FRMPD3: variants seen among roughly 807,000 people sequenced by gnomAD.
The protein encoded by FRMPD3 is FERM and PDZ domain containing 3, also known as FERM and PDZ domain-containing protein 3.
Under a neutral mutation model 97.9 loss-of-function variants are expected in FRMPD3, and 42 were observed. The ratio of observed to expected loss-of-function variants is 0.43; its 90% CI spans 0.34 to 0.55. FRMPD3 has a LOEUF of 0.55. Among genes scored for constraint, FRMPD3 ranks in the 20% least tolerant of loss-of-function variants. The pLI, the probability that FRMPD3 is intolerant of heterozygous loss-of-function variation, is 0.03. For synonymous variants in FRMPD3, 577 were observed against 581.1 expected, an observed-to-expected ratio of 0.99 and a Z score of 0.10; for missense variants, 1,303 against 1,457.7, an observed-to-expected ratio of 0.89 and a Z score of 1.73.
At chrX:107,568,583 A>AG (rs1451919649) in intron 12 of FRMPD3, among the ~76,000 whole-genome samples, 1 of 105,110 alleles carries the variant, frequency 9.5e-6, no homozygotes, top group Non-Finnish European at 1.9e-5. Context: ...AAAAAAAAAA[A>AG]ATCAGCTGGG....
At chrX:107,527,237 T>C (rs965101735) in intron 2 of FRMPD3, among the ~76,000 whole-genome samples, 1 of 111,747 alleles carries the variant, frequency 8.9e-6, no homozygotes, top group African/African-American at 3.3e-5. Context: ...ACAGGTGGGA[T>C]AGGAGAGGAG....
chrX:107,556,226 G>A (rs5962845), intron 8 of FRMPD3, among the ~76,000 whole-genome samples: 19,731 of 110,617 alleles, frequency 0.18, 3,861 homozygotes, highest in African/African-American at 0.58. Context: ...ACGTTTCCCA[G>A]ACAGCCTCAG....
chrX:107,555,468 C>T (rs1360981663), intron 8 of FRMPD3, among the ~76,000 whole-genome samples: 2 of 112,007 alleles, frequency 1.8e-5, no homozygotes, highest in Non-Finnish European at 3.8e-5. Context: ...TTCTTAGGCC[C>T]CAGCCCAGTC....
chrX:107,538,388 T>C (rs1019809650), intron 4 of FRMPD3, among the ~76,000 whole-genome samples: 2 of 109,601 alleles, frequency 1.8e-5, no homozygotes, highest in African/African-American at 6.7e-5. Flanking sequence ...CAGAAAATAC[T>C]ACTGTGTTCA....
intron 1 of FRMPD3, among the ~76,000 whole-genome samples, chrX:107,487,849 A>G (rs760518516): frequency 8.9e-6 from 1 of 112,097 alleles, no homozygotes; most frequent in Non-Finnish European, 1.9e-5. Context: ...TCTCTTCCTT[A>G]ATCTCACCCG....
chrX:107,475,765 C>T (rs1921182578), intron 1 of FRMPD3, among the ~76,000 whole-genome samples: 1 of 112,465 alleles, frequency 8.9e-6, no homozygotes, highest in Non-Finnish European at 1.9e-5. Flanking sequence ...TTCTAGGAGT[C>T]AGAGGATGTG....
chrX:107,529,234 C>A (rs1334021812), intron 2 of FRMPD3, among the ~76,000 whole-genome samples: 2 of 111,753 alleles, frequency 1.8e-5, no homozygotes, highest in Non-Finnish European at 3.8e-5. Context: ...TCACCCTTTG[C>A]CCCAACCAAG....
chrX:107,464,661 T>G (rs1931528352), intron 1 of FRMPD3, among the ~76,000 whole-genome samples: 2 of 111,719 alleles, frequency 1.8e-5, no homozygotes, highest in Non-Finnish European at 3.8e-5. Context: ...TTTTATTAGC[T>G]GCCTGATGTT....
chrX:107,601,143 G>A lies in FRMPD3; in HGVS notation c.3104G>A (p.Arg1035Lys), dbSNP rs779208422. The A allele has an allele frequency of 8.3e-7, 1 of 1,209,081 alleles. No homozygotes were observed. Among genetic ancestry groups the A allele is most frequent in the East Asian group, 3.0e-5 (1 of 33,732 alleles). ...GGTGCAGAGGTCTCTTCCAGCCCCA[G>A]AGCACCCACAGGCAGCCGGGCTGAC... ...QLGAEVSSSP[R>K]APTGSRADSL... is the part of the protein sequence containing the mutation. Residue 1035 changes from arginine (R) to lysine (K), a missense_variant, in exon 15 of 15, where the codon AGA (arginine) becomes AAA (lysine). Physicochemically the swap from Arg to Lys is conservative, Grantham distance 26. This residue lies in a region of FRMPD3 where 764 missense variants were observed against 820.2 expected (regional missense o/e 0.93). Transcript: ENST00000683843.
At chrX:107,547,602 A>G (rs903529150) in intron 5 of FRMPD3, among the ~76,000 whole-genome samples, 8 of 111,387 alleles carry the variant, frequency 7.2e-5, no homozygotes, top group African/African-American at 2.6e-4. Context: ...ACAGACATCA[A>G]TCTTCCAACT....
chrX:107,568,323 C>T (rs1201543757), intron 12 of FRMPD3, among the ~76,000 whole-genome samples: 2 of 103,503 alleles, frequency 1.9e-5, no homozygotes, highest in African/African-American at 7.0e-5. Flanking sequence ...TGTGCTGCAC[C>T]CATTAACTCG....
intron 1 of FRMPD3, among the ~76,000 whole-genome samples, chrX:107,502,038 G>A (rs1046886992): frequency 4.5e-5 from 5 of 110,935 alleles, no homozygotes; most frequent in African/African-American, 1.6e-4. Flanking sequence ...GGTGTGGGTG[G>A]GGAGGCAACA....
intron 1 of FRMPD3, among the ~76,000 whole-genome samples, chrX:107,450,241 C>A (rs979015529): frequency 1.8e-5 from 2 of 111,070 alleles, no homozygotes; most frequent in African/African-American, 6.5e-5. Context: ...TTGGCGGGCT[C>A]GTTTGGCCTC....
At chrX:107,556,760 AT>A (rs1160181844) in intron 8 of FRMPD3, among the ~76,000 whole-genome samples, 1 of 112,120 alleles carries the variant, frequency 8.9e-6, no homozygotes, top group Non-Finnish European at 1.9e-5. Context: ...CGGCATACTG[AT>A]TTTGAGATCC....
chrX:107,486,865 A>G (rs1400185052), intron 1 of FRMPD3, among the ~76,000 whole-genome samples: 2 of 111,500 alleles, frequency 1.8e-5, no homozygotes, highest in Non-Finnish European at 3.8e-5. Context: ...TTTGAAAAAA[A>G]AAAGTACATT....
In FRMPD3 at chrX:107,604,517, G is replaced by A. The variant is rs1462555149; in HGVS notation, c.*1144G>A. ...ATTCACACTGTTTAACATCCACCTTGACACACACCTCCTATTGCCACCACC... is the reference window on the plus strand; with the variant it reads ...ATTCACACTGTTTAACATCCACCTTAACACACACCTCCTATTGCCACCACC... On this transcript the variant is annotated 3_prime_UTR_variant, in exon 15 of 15. Transcript: ENST00000683843. 1.9e-5 allele frequency: 2 copies of A among 107,686 alleles called. No homozygotes were observed. Among genetic ancestry groups the A allele is most frequent in the Non-Finnish European group, 3.8e-5 (2 of 52,096 alleles). 8.9% of individuals were successfully genotyped at this position (107,686 alleles called of 1,213,427 possible). A position where few individuals can be genotyped will look rare whatever the true frequency, so the allele number is the denominator to read the frequency against.
At chrX:107,465,795 CTG>C (rs1322287938) in intron 1 of FRMPD3, among the ~76,000 whole-genome samples, 1 of 109,842 alleles carries the variant, frequency 9.1e-6, no homozygotes, top group Non-Finnish European at 1.9e-5. Context: ...ATATTAAGGA[CTG>C]TTATGAAATG....
intron 13 of FRMPD3, among the ~76,000 whole-genome samples, chrX:107,581,175 C>G (rs911431310): frequency 5.4e-5 from 6 of 111,199 alleles, no homozygotes; most frequent in Admixed American, 4.8e-4. Context: ...GTGTCATGAT[C>G]TCGGCTCATT....
intron 5 of FRMPD3, among the ~76,000 whole-genome samples, chrX:107,547,052 T>C (rs1486159458): frequency 1.8e-5 from 2 of 111,353 alleles, no homozygotes; most frequent in Non-Finnish European, 3.8e-5. Context: ...GTCTGAATAA[T>C]TGATGGTTGG....
Sources: gnomAD v4.1 joint callset for allele counts (sites outside exome capture counted in the v4.1 genomes callset) on GRCh38, gnomAD v4.1.1 for gene constraint, gnomAD v4.1.1 regional missense constraint, MANE v1.5 for transcripts, NCBI Gene and HGNC (gene_info 2026-07-23, HGNC 2026-07-21) for gene names.